FGD5: variants seen among roughly 807,000 people sequenced by gnomAD.
FGD5 encodes FYVE, RhoGEF and PH domain-containing protein 5.
FGD5 carries 28 observed loss-of-function variants against 133.4 expected under a neutral mutation model. That is an observed-to-expected ratio of 0.21 (90% CI 0.16 to 0.29). The LOEUF (loss-of-function observed/expected upper bound fraction) is 0.29. Among genes scored for constraint, FGD5 ranks in the 10% least tolerant of loss-of-function variants. The pLI is 1.00. For synonymous variants in FGD5, 810 were observed against 776.5 expected (o/e 1.04, Z -0.72); for missense variants, 1,858 against 1,895.2 (o/e 0.98, Z 0.36).
At chr3:14,925,091 ACT>A (rs1271103233) in intron 17 of FGD5, among the ~76,000 whole-genome samples, 9 of 114,532 alleles carry the variant, frequency 7.9e-5, no homozygotes, top group African/African-American at 3.2e-4. Flanking sequence ...ACACAGCAAG[ACT>A]CTGTCTCAAA....
upstream of FGD5, among the ~76,000 whole-genome samples, chr3:14,816,799 G>T (rs1178669765): frequency 6.6e-6 from 1 of 152,244 alleles, no homozygotes; most frequent in African/African-American, 2.4e-5. Context: ...ATGGATGTCA[G>T]TGGCTGGCCT....
chr3:14,900,494 C>T, intron 8 of FGD5, 41 bp downstream of exon 8: 1 of 1,606,030 alleles, frequency 6.2e-7, no homozygotes. Context: ...CTCAAGCCTG[C>T]TCTGCCTCCT....
intron 1 of FGD5, among the ~76,000 whole-genome samples, chr3:14,857,039 G>A (rs1243782963): frequency 6.6e-6 from 1 of 152,050 alleles, no homozygotes; most frequent in East Asian, 1.9e-4. Flanking sequence ...ATTATGTTGA[G>A]GTACTTTCCT....
chr3:14,851,522 GA>G (rs373118981), intron 1 of FGD5, among the ~76,000 whole-genome samples: 51 of 152,352 alleles, frequency 3.3e-4, no homozygotes, highest in African/African-American at 1.2e-3. Flanking sequence ...CAGTGTGGCA[GA>G]AATGCTGGCT....
At chr3:14,904,476 T>C (rs13069485) in intron 9 of FGD5, among the ~76,000 whole-genome samples, 2,747 of 150,694 alleles carry the variant, frequency 0.018, 39 homozygotes, top group Non-Finnish European at 0.03. Flanking sequence ...TGTGCCCTTT[T>C]CACATGGTGT....
At position 14,819,031 on chromosome 3, in the gene FGD5, C is replaced by G; in HGVS notation, c.-41C>G. Reference sequence around the variant, plus strand: ...ACGCCAGTGACCGCGCCCAAATTCCCTTCCTCAGCCAGGCCCGAGAGTCTT... The same window carrying G: ...ACGCCAGTGACCGCGCCCAAATTCCGTTCCTCAGCCAGGCCCGAGAGTCTT... On this transcript the variant is annotated 5_prime_UTR_variant, in exon 1 of 20. Coordinates refer to ENST00000285046, the MANE Select transcript of FGD5 (RefSeq NM_152536.4). This position sits in a 1 kb window ranked among gnomAD's most constrained non-coding sequence, Gnocchi z 4.1. 15 of 1,499,262 alleles carry G rather than the reference C, an allele frequency of 1.0e-5. No individual in the cohort carries two copies. The highest frequency in any genetic ancestry group is 1.3e-5 in the Non-Finnish European group (15 of 1,123,444). 92.9% of individuals were successfully genotyped at this position (1,499,262 alleles called of 1,614,324 possible).
intron 4 of FGD5, 53 bp from the exon 5 acceptor site, chr3:14,897,456 G>A: frequency 1.3e-6 from 2 of 1,562,770 alleles, no homozygotes; most frequent in Admixed American, 2.0e-5. Context: ...TGCCAAGGAG[G>A]ACTTGTGCTC....
chr3:14,890,983 G>A (rs993393579), intron 4 of FGD5, among the ~76,000 whole-genome samples: 1 of 152,168 alleles, frequency 6.6e-6, no homozygotes, highest in African/African-American at 2.4e-5. Context: ...TTGCCCAGTC[G>A]TCCAATACCC....
intron 1 of FGD5, among the ~76,000 whole-genome samples, chr3:14,833,788 C>T (rs898078162): frequency 7.9e-5 from 12 of 152,146 alleles, no homozygotes; most frequent in Admixed American, 3.3e-4. Context: ...GAAGAGTGCC[C>T]GCTTCATCCA....
intron 1 of FGD5, among the ~76,000 whole-genome samples, chr3:14,850,863 G>A (rs1335144316): frequency 6.6e-6 from 1 of 152,078 alleles, no homozygotes; most frequent in Admixed American, 6.5e-5. Context: ...TAACAGTCTT[G>A]GAAGGGGGAT....
chr3:14,917,284 G>T lies in FGD5; in HGVS notation c.3441G>T (p.Lys1147Asn), dbSNP rs940133462. The change falls in exon 12 of 20, where the codon AAG (lysine) becomes AAT (asparagine). Residue 1147 changes from lysine to asparagine, a missense_variant. Physicochemically the swap from Lys to Asn is moderately conservative, Grantham distance 94. Transcript: ENST00000285046. This position sits in a 1 kb window ranked among gnomAD's most constrained non-coding sequence, Gnocchi z 4.1. The stretch of plus-strand genomic sequence containing the variant: ...TGCTCCTGTACACCTATCCCCAGAA[G>T]GATGGGAAGTACCGGCTGAAGAACA... The part of the protein sequence containing the change: ...NDVLLYTYPQ[K>N]DGKYRLKNTL... The T allele has an allele frequency of 7.4e-6, 12 of 1,613,816 alleles. No homozygotes were observed. Among genetic ancestry groups the T allele is most frequent in the Non-Finnish European group, 9.3e-6 (11 of 1,179,814 alleles).
intron 1 of FGD5, among the ~76,000 whole-genome samples, chr3:14,847,382 A>C (rs2037070548): frequency 6.6e-6 from 1 of 152,198 alleles, no homozygotes; most frequent in Non-Finnish European, 1.5e-5. Flanking sequence ...AGTTACTGGC[A>C]GAGCAAGAGT....
intron 8 of FGD5, 95 bp downstream of exon 8, chr3:14,900,548 A>G (rs530486366): frequency 4.9e-6 from 7 of 1,416,022 alleles, no homozygotes; most frequent in African/African-American, 1.4e-5. Flanking sequence ...GGCCCAGGAT[A>G]TAGTCCCCTC....
intron 1 of FGD5, among the ~76,000 whole-genome samples, chr3:14,836,727 C>T (rs953433213): frequency 2.0e-5 from 3 of 152,036 alleles, no homozygotes; most frequent in African/African-American, 7.2e-5. Context: ...CTCAGAAAGG[C>T]CCAGGAGAGA....
chr3:14,810,690 T>A (rs2036278016), upstream of FGD5, among the ~76,000 whole-genome samples: 1 of 145,294 alleles, frequency 6.9e-6, no homozygotes, highest in South Asian at 2.1e-4. Context: ...GCGCCCCCAC[T>A]GCCCTGCGCG....
At chr3:14,895,737 T>G (rs912850377) in intron 4 of FGD5, among the ~76,000 whole-genome samples, 6 of 151,988 alleles carry the variant, frequency 3.9e-5, no homozygotes, top group African/African-American at 9.7e-5. Flanking sequence ...TCCTGCTAAT[T>G]TTTGTATTTT....
intron 1 of FGD5, among the ~76,000 whole-genome samples, chr3:14,844,373 T>A (rs747623): frequency 6.8e-6 from 1 of 146,050 alleles, no homozygotes; most frequent in African/African-American, 2.5e-5. Context: ...GCACTCCCAG[T>A]TTCCCCCTTA....
At chr3:14,858,575 C>T (rs2037335379) in intron 1 of FGD5, among the ~76,000 whole-genome samples, 1 of 152,182 alleles carries the variant, frequency 6.6e-6, no homozygotes, top group African/African-American at 2.4e-5. Flanking sequence ...ACCCTCAGTA[C>T]CTGTAGTACA....
chr3:14,874,770 A>G (rs1248489701), intron 2 of FGD5, among the ~76,000 whole-genome samples: 4 of 152,248 alleles, frequency 2.6e-5, no homozygotes, highest in African/African-American at 4.8e-5. Flanking sequence ...CACTGTAGCC[A>G]GAACCAAAGA....
Sources: allele counts gnomAD v4.1 joint callset (sites outside exome capture counted in the v4.1 genomes callset), GRCh38; gene constraint gnomAD v4.1.1; non-coding constraint Gnocchi (gnomAD v3.1); transcripts MANE v1.5; gene names NCBI Gene and HGNC (gene_info 2026-07-23, HGNC 2026-07-21).